Variants in KIF17 observed in about 807,000 individuals in gnomAD.
KIF17 encodes the protein kinesin family member 17.
Under a neutral mutation model 96.8 loss-of-function variants are expected in KIF17, and 80 were observed. The observed-to-expected ratio is 0.83, with a 90% CI of 0.69 to 1.00. The LOEUF (loss-of-function observed/expected upper bound fraction) is 1.00, where lower values mean the gene tolerates loss of function less well. Among genes scored for constraint, KIF17 ranks in the 50% least tolerant of loss-of-function variants. The pLI, the probability that KIF17 is intolerant of heterozygous loss-of-function variation, is 0.00. For synonymous variants in KIF17, 567 were observed against 587.5 expected (o/e 0.97, Z 0.51); for missense variants, 1,280 against 1,372.9 (o/e 0.93, Z 1.07).
At chr1:20,668,341 G>A (rs908423741) in intron 13 of KIF17, among the ~76,000 whole-genome samples, 4 of 151,984 alleles carry the variant, frequency 2.6e-5, no homozygotes, top group Non-Finnish European at 4.4e-5. Flanking sequence ...GACAGACACA[G>A]ACCCTGACTG....
Position 20,690,352 on chromosome 1 carries a change from G to GGGCCCA in KIF17, c.1234-18_1234-17insTGGGCC. Reference sequence around the variant, plus strand: ...TTCATACTCCTGGGGGGGTGGGAGGGACCAGAGGGCAGGCAGCATTTTATC... The same window carrying GGGCCCA: ...TTCATACTCCTGGGGGGGTGGGAGGGGGCCCAACCAGAGGGCAGGCAGCATTTTATC... On this transcript the variant is annotated splice_polypyrimidine_tract_variant and intron_variant, in intron 6 of 14. Transcript: ENST00000400463. The GGGCCCA allele has an allele frequency of 2.2e-5, 10 of 451,048 alleles. No individual in the cohort carries two copies. The highest frequency in any genetic ancestry group is 4.3e-5 in the Non-Finnish European group (10 of 235,036). 27.9% of individuals were successfully genotyped at this position (451,048 alleles called of 1,614,324 possible).
intron 11 of KIF17, among the ~76,000 whole-genome samples, chr1:20,673,712 G>C (rs1167428589): frequency 1.3e-5 from 2 of 151,716 alleles, no homozygotes; most frequent in African/African-American, 4.8e-5. Flanking sequence ...TGTATTTTTA[G>C]CAGAGACGGG....
chr1:20,665,117 C>A (rs12034869), intron 14 of KIF17, among the ~76,000 whole-genome samples: 1 of 151,172 alleles, frequency 6.6e-6, no homozygotes, highest in Non-Finnish European at 1.5e-5. Context: ...GTTTCCTCAT[C>A]TGCAACATGG....
At chr1:20,711,234 G>C (rs1364411997) in intron 3 of KIF17, among the ~76,000 whole-genome samples, 2 of 152,146 alleles carry the variant, frequency 1.3e-5, no homozygotes, top group Non-Finnish European at 2.9e-5. Context: ...AGAGGATGAG[G>C]TCGCCATCTC....
intron 7 of KIF17, among the ~76,000 whole-genome samples, chr1:20,689,192 G>A (rs10799660): frequency 0.18 from 27,361 of 152,038 alleles, 2,846 homozygotes; most frequent in East Asian, 0.36. Context: ...TACCCGGCAC[G>A]TGGTAATGTG....
At chr1:20,680,001 T>TGA (rs397759759) in intron 11 of KIF17, among the ~76,000 whole-genome samples, 1 of 151,938 alleles carries the variant, frequency 6.6e-6, no homozygotes, top group Admixed American at 6.6e-5. Flanking sequence ...ATTGATTGAT[T>TGA]TGAGACAGGG....
In KIF17 at chr1:20,686,145, T is replaced by C. The variant is rs781677235; in HGVS notation, c.1939-19A>G. Reference sequence around the variant, plus strand: ...CAGGGACCTGGGAGGAAAGAGGGGATGGAGGAGAAAGAAGGCTGATTTGGG... The same window carrying C: ...CAGGGACCTGGGAGGAAAGAGGGGACGGAGGAGAAAGAAGGCTGATTTGGG... On this transcript the variant is annotated intron_variant, in intron 8 of 14. Coordinates refer to ENST00000400463, the MANE Select transcript of KIF17 (RefSeq NM_001122819.3). The C allele has an allele frequency of 5.8e-6, 9 of 1,556,258 alleles. No individual in the cohort carries two copies. Among genetic ancestry groups the C allele is most frequent in the Non-Finnish European group, 7.8e-6 (9 of 1,148,698 alleles).
rs538234920 is a variant in KIF17 at position 20,704,992 on chromosome 1, C to A, written c.671-93G>T. 127 of 1,138,736 alleles carry A rather than the reference C, an allele frequency of 1.1e-4. 1 individual carries two copies. The highest frequency in any genetic ancestry group is 8.4e-4 in the Middle Eastern group (3 of 3,584). 70.5% of individuals were successfully genotyped at this position (1,138,736 alleles called of 1,614,324 possible). A position where few individuals can be genotyped will look rare whatever the true frequency, so the allele number is the denominator to read the frequency against. On this transcript the variant is annotated intron_variant, in intron 4 of 14. Transcript: ENST00000400463. The surrounding 1 kb of genome is among the most constrained non-coding windows in gnomAD (Gnocchi z 6.8). Reference sequence around the variant, plus strand: ...CAGGCACTGGGTGCTCAATGCCCACCCACCGAGGGTTCCCCTCAGCTGCAC... The same window carrying A: ...CAGGCACTGGGTGCTCAATGCCCACACACCGAGGGTTCCCCTCAGCTGCAC...
chr1:20,667,890 A>G (rs1375534281), intron 13 of KIF17, among the ~76,000 whole-genome samples: 1 of 152,102 alleles, frequency 6.6e-6, no homozygotes, highest in Non-Finnish European at 1.5e-5. Context: ...CATGCCTGTA[A>G]TCCCAGCTAC....
rs369150088 is a variant in KIF17, at chr1:20,678,412, A to G, written c.2463+4241T>C. On this transcript the variant is annotated intron_variant, in intron 11 of 14. Coordinates refer to ENST00000400463, the MANE Select transcript of KIF17 (RefSeq NM_001122819.3). ...ACGTACATATTTCCTTATACAAAAA[A>G]AATTTAAAAATAAAATAAAATAAAC... 2.6e-4 allele frequency among the ~76,000 whole-genome samples: 39 copies of G among 152,300 alleles called. 2 individuals carry two copies. The South Asian group carries it at 5.4e-3, about 21-fold the overall frequency.
rs1163549062 is a variant in KIF17, at chr1:20,685,018, C to T, written c.2022G>A (p.Glu674=). ...EAADDFPPRP[E]VDLASEVALE... ...AGGCCACTTCCGAGGCCAGATCTAC[C>T]TCCTGAGTGTGAAGAGAAACCCAGG... Residue 674 remains glutamate (E), a splice_region_variant and synonymous_variant, in exon 10 of 15, where the codon GAG becomes GAA. Transcript: ENST00000400463. This position sits in a 1 kb window ranked among gnomAD's most constrained non-coding sequence, Gnocchi z 4.1. The T allele has an allele frequency of 6.3e-7, 1 of 1,588,632 alleles. No individual in the cohort carries two copies. The highest frequency in any genetic ancestry group is 1.8e-5 in the Admixed American group (1 of 56,126).
chr1:20,717,432 C>A (rs756814772), intron 1 of KIF17, 44 bp downstream of exon 1: 2 of 1,604,662 alleles, frequency 1.2e-6, no homozygotes, highest in South Asian at 1.1e-5. Context: ...TCGGGGCGGC[C>A]TCATGCCCTG....
rs1244953708 is a variant in KIF17, at chr1:20,682,728, C to T, written c.2388G>A (p.Val796=). Residue 796 remains valine, a synonymous_variant, in exon 11 of 15, where the codon GTG becomes GTA. Transcript: ENST00000400463. ...GGATGGAGTCGTAGACGTTAAGCAG[C>T]ACCCAGTCCCCGCTGTCCTCATCCG... The part of the protein sequence containing the change: ...QNSDEDSGDW[V]LLNVYDSIQE... The T allele has an allele frequency of 2.5e-6, 4 of 1,613,742 alleles. No homozygotes were observed. The highest frequency in any genetic ancestry group is 4.5e-5 in the East Asian group (2 of 44,890).
At chr1:20,682,166 G>A (rs1277316808) in intron 11 of KIF17, among the ~76,000 whole-genome samples, 2 of 151,158 alleles carry the variant, frequency 1.3e-5, no homozygotes, top group Admixed American at 6.6e-5. Context: ...ACCCGCATGC[G>A]TGCACACACA....
intron 1 of KIF17, 120 bp downstream of exon 1, chr1:20,717,356 C>T (rs2054595826): frequency 1.8e-6 from 2 of 1,124,782 alleles, no homozygotes; most frequent in Non-Finnish European, 2.5e-6. Context: ...TACCTGTTCC[C>T]GTCCGCCTGC....
Position 20,684,918 on chromosome 1 carries a change from C to G in KIF17, c.2122G>C (p.Glu708Gln), listed in dbSNP as rs760160254. 3 of 1,595,492 alleles carry G rather than the reference C, an allele frequency of 1.9e-6. No homozygotes were observed. The South Asian group carries it at 3.4e-5, about 18-fold the overall frequency. Residue 708 changes from glutamate (E) to glutamine (Q), a missense_variant, in exon 10 of 15, where the codon GAG becomes CAG. Transcript: ENST00000400463. ...ACACCAGCTGTGGCCGGCAGGGGCT[C>G]AGGCTGAGCCACCAGGGCCACCGGG... ...QAPVALVAQP[E>Q]PLPATAGVKR... is the part of the protein sequence containing the mutation.
intron 6 of KIF17, among the ~76,000 whole-genome samples, chr1:20,691,822 T>G (rs1186185383): frequency 6.6e-6 from 1 of 152,228 alleles, no homozygotes; most frequent in African/African-American, 2.4e-5. Flanking sequence ...TTGCAATCTA[T>G]TTTATCCACA....
chr1:20,671,256 C>T (rs1279475989), intron 12 of KIF17, among the ~76,000 whole-genome samples: 1 of 152,212 alleles, frequency 6.6e-6, no homozygotes, highest in African/African-American at 2.4e-5. Flanking sequence ...ATAACAATGA[C>T]ATGCAGCGAG....
At chr1:20,712,342 A>T (rs902843835) in intron 3 of KIF17, among the ~76,000 whole-genome samples, 3 of 151,382 alleles carry the variant, frequency 2.0e-5, no homozygotes, top group African/African-American at 7.3e-5. Flanking sequence ...ATTCAGCTGC[A>T]CTAGGAGAGG....
Sources: allele counts gnomAD v4.1 joint callset (sites outside exome capture counted in the v4.1 genomes callset), GRCh38; gene constraint gnomAD v4.1.1; non-coding constraint Gnocchi (gnomAD v3.1); transcripts MANE v1.5; gene names NCBI Gene and HGNC (gene_info 2026-07-23, HGNC 2026-07-21).